Variants in ANO2 observed in about 807,000 individuals in gnomAD.
ANO2 encodes the protein anoctamin 2, also known as anoctamin-2.
A neutral mutation model predicts 124.2 loss-of-function variants in ANO2; 101 were observed. That is an observed-to-expected ratio of 0.81 (90% CI 0.69 to 0.96). The LOEUF (loss-of-function observed/expected upper bound fraction) is 0.96, where lower values mean the gene tolerates loss of function less well. Among genes scored for constraint, ANO2 ranks in the 40% least tolerant of loss-of-function variants. The pLI, the probability that ANO2 is intolerant of heterozygous loss-of-function variation, is 0.00. For missense variants in ANO2, 1,293 were observed against 1,274.5 expected (o/e 1.01, Z -0.22); for synonymous variants, 486 against 482.5 (o/e 1.01, Z -0.09).
At chr12:5,774,317 A>G (rs1043553498) in intron 10 of ANO2, among the ~76,000 whole-genome samples, 6 of 152,066 alleles carry the variant, frequency 3.9e-5, no homozygotes, top group Admixed American at 3.3e-4. Flanking sequence ...ATCCATAAAA[A>G]TTAGCCAGGT....
intron 16 of ANO2, among the ~76,000 whole-genome samples, chr12:5,634,271 C>T (rs751150231): frequency 3.9e-5 from 6 of 152,220 alleles, no homozygotes; most frequent in South Asian, 2.1e-4. Flanking sequence ...AGCAACTTTC[C>T]GGAATTCTCC....
intron 10 of ANO2, among the ~76,000 whole-genome samples, chr12:5,797,307 C>T (rs901801874): frequency 1.3e-5 from 2 of 152,008 alleles, no homozygotes; most frequent in African/African-American, 4.8e-5. Context: ...AAGAAGAATC[C>T]CCAAGACTCA....
chr12:5,825,718 A>ACAC (rs1164756050), intron 7 of ANO2, among the ~76,000 whole-genome samples: 7 of 152,316 alleles, frequency 4.6e-5, no homozygotes, highest in African/African-American at 1.7e-4. Context: ...CAACAGAGGT[A>ACAC]AGGAAGAGTG....
In ANO2 at chr12:5,862,974, CT is replaced by C. The variant is rs1191806812; in HGVS notation, c.535-8834del. The stretch of plus-strand genomic sequence containing the variant: ...CCCAGCTAATTTTTTGTATTTTTTT[CT>C]TTTTTTTAGTAGAGACGGTGAGGGG... On this transcript the variant is annotated intron_variant, in intron 3 of 24. Transcript: ENST00000682330. The surrounding 1 kb of genome is among the most constrained non-coding windows in gnomAD (Gnocchi z 4.0). Among the ~76,000 whole-genome samples, 3 of 151,710 alleles carry C rather than the reference CT, an allele frequency of 2.0e-5. No individual in the cohort carries two copies. Among genetic ancestry groups the C allele is most frequent in the South Asian group, 2.1e-4 (1 of 4,798 alleles).
intron 14 of ANO2, among the ~76,000 whole-genome samples, chr12:5,672,470 T>C (rs1326272327): frequency 1.3e-5 from 2 of 152,174 alleles, no homozygotes; most frequent in Non-Finnish European, 2.9e-5. Context: ...AGTCCTTAGG[T>C]TGGAGAATCA....
intron 14 of ANO2, among the ~76,000 whole-genome samples, chr12:5,710,488 A>G (rs1441352187): frequency 6.6e-6 from 1 of 152,148 alleles, no homozygotes; most frequent in Non-Finnish European, 1.5e-5. Flanking sequence ...GGATGGGGAG[A>G]CCTCAAAGAA....
chr12:5,647,659 C>T (rs962202580), intron 15 of ANO2, 68 bp downstream of exon 15: 1 of 1,203,762 alleles, frequency 8.3e-7, no homozygotes, highest in Non-Finnish European at 1.2e-6. Flanking sequence ...AATATAATAC[C>T]CACAGTAGTC....
intron 10 of ANO2, among the ~76,000 whole-genome samples, chr12:5,781,959 T>C (rs1952412143): frequency 6.6e-6 from 1 of 152,240 alleles, no homozygotes; most frequent in African/African-American, 2.4e-5. Flanking sequence ...AAACATCAAT[T>C]AGGACAAGTT....
At chr12:5,901,647 G>C (rs1278674370) in intron 3 of ANO2, among the ~76,000 whole-genome samples, 2 of 152,176 alleles carry the variant, frequency 1.3e-5, no homozygotes, top group East Asian at 3.9e-4. Flanking sequence ...CTGCTCGGTA[G>C]GTGTTGCAGG....
intron 10 of ANO2, among the ~76,000 whole-genome samples, chr12:5,786,579 C>T (rs1292419059): frequency 6.6e-6 from 1 of 152,152 alleles, no homozygotes; most frequent in Non-Finnish European, 1.5e-5. Flanking sequence ...CCTTCAAGAT[C>T]TATGGCAAGC....
At position 5,787,977 on chromosome 12, in the gene ANO2, C is replaced by T. The variant is rs1339239216; in HGVS notation, c.1055+11530G>A. On this transcript the variant is annotated intron_variant, in intron 10 of 24. Transcript: ENST00000682330. This position sits in a 1 kb window ranked among gnomAD's most constrained non-coding sequence, Gnocchi z 4.2. Reference sequence around the variant, plus strand: ...GCCTGGATTTGTCAGTAAATACTAACTCCTATGCTAGCCTTCCCAGCTCCA... The same window carrying T: ...GCCTGGATTTGTCAGTAAATACTAATTCCTATGCTAGCCTTCCCAGCTCCA... 6.6e-6 allele frequency among the ~76,000 whole-genome samples: 1 copy of T among 152,220 alleles called. No individual in the cohort carries two copies. Among genetic ancestry groups the T allele is most frequent in the African/African-American group, 2.4e-5 (1 of 41,456 alleles).
chr12:5,867,780 A>AG (rs1486328236), intron 3 of ANO2, among the ~76,000 whole-genome samples: 1 of 130,296 alleles, frequency 7.7e-6, no homozygotes, highest in African/African-American at 3.3e-5. Context: ...ACTATAATGA[A>AG]AAAAAAAAAA....
intron 19 of ANO2, among the ~76,000 whole-genome samples, chr12:5,601,105 T>C (rs1011268995): frequency 2.0e-5 from 3 of 152,224 alleles, no homozygotes; most frequent in African/African-American, 7.2e-5. Context: ...TATATGTCCA[T>C]GGGCAAGTTA....
intron 3 of ANO2, among the ~76,000 whole-genome samples, chr12:5,873,720 T>C (rs1248145225): frequency 6.6e-6 from 1 of 152,222 alleles, no homozygotes. Context: ...GAATCCTCCC[T>C]GAGCTAATGG....
At chr12:5,935,275 G>C (rs1406841377) in intron 1 of ANO2, among the ~76,000 whole-genome samples, 1 of 152,042 alleles carries the variant, frequency 6.6e-6, no homozygotes, top group East Asian at 1.9e-4. Flanking sequence ...AATAATCTTT[G>C]AGGGCAGAGT....
chr12:5,641,619 G>GGGCT (rs1484910053), intron 15 of ANO2, among the ~76,000 whole-genome samples: 1 of 152,126 alleles, frequency 6.6e-6, no homozygotes, highest in African/African-American at 2.4e-5. Context: ...TGTGTAAAGG[G>GGGCT]GGCTCTCCCC....
chr12:5,861,516 C>A (rs967747911), intron 3 of ANO2, among the ~76,000 whole-genome samples: 4 of 152,122 alleles, frequency 2.6e-5, no homozygotes, highest in Non-Finnish European at 5.9e-5. Context: ...CAATAGTGAG[C>A]GGGAGGCAGC....
At chr12:5,573,434 T>C (rs10849297) in intron 23 of ANO2, among the ~76,000 whole-genome samples, 61,220 of 152,126 alleles carry the variant, frequency 0.4, 13,137 homozygotes, top group Middle Eastern at 0.48. Context: ...CCATTGGACA[T>C]GGAGGTGGAG....
chr12:5,886,467 T>G (rs970888314), intron 3 of ANO2, among the ~76,000 whole-genome samples: 10 of 152,332 alleles, frequency 6.6e-5, no homozygotes, highest in Middle Eastern at 3.4e-3. Flanking sequence ...TTATGTTAGA[T>G]GAGTAAGTTC....
Sources: allele counts gnomAD v4.1 joint callset (sites outside exome capture counted in the v4.1 genomes callset), GRCh38; gene constraint gnomAD v4.1.1; non-coding constraint Gnocchi (gnomAD v3.1); transcripts MANE v1.5; gene names NCBI Gene and HGNC (gene_info 2026-07-23, HGNC 2026-07-21).